Variants in ANO4 observed in about 807,000 individuals in gnomAD.
The protein encoded by ANO4 is anoctamin 4.
Under a neutral mutation model 141.9 loss-of-function variants are expected in ANO4, and 69 were observed. The observed-to-expected ratio is 0.49, with a 90% CI of 0.40 to 0.59. The LOEUF (loss-of-function observed/expected upper bound fraction) is 0.59. Ranked by LOEUF, ANO4 falls within the 20% of genes least tolerant of loss-of-function variation. The pLI is 0.00. For missense variants in ANO4, 894 were observed against 1,162.2 expected (o/e 0.77, Z 3.36); for synonymous variants, 350 against 394.3 (o/e 0.89, Z 1.33).
chr12:101,079,317 C>A, intron 15 of ANO4, 42 bp downstream of exon 15: 1 of 1,528,454 alleles, frequency 6.5e-7, no homozygotes, highest in Non-Finnish European at 9.0e-7. Flanking sequence ...AAGCAAATCA[C>A]CCAGAACCAC....
intron 3 of ANO4, among the ~76,000 whole-genome samples, chr12:100,764,328 G>C (rs1347138191): frequency 6.6e-6 from 1 of 152,094 alleles, no homozygotes; most frequent in Non-Finnish European, 1.5e-5. Context: ...TCAAGATCCT[G>C]ACTCCCTCCA....
intron 3 of ANO4, among the ~76,000 whole-genome samples, chr12:100,932,047 G>A (rs1222551148): frequency 6.7e-6 from 1 of 148,674 alleles, no homozygotes; most frequent in Non-Finnish European, 1.5e-5. Flanking sequence ...TGAGAATTCT[G>A]AGTATCAGAT....
intron 5 of ANO4, among the ~76,000 whole-genome samples, chr12:100,969,234 G>A (rs986054229): frequency 1.3e-5 from 2 of 152,156 alleles, no homozygotes; most frequent in East Asian, 1.9e-4. Context: ...CACTGTGCTA[G>A]GCCCAAAAGA....
At chr12:100,957,618 G>A (rs2043222150) in intron 5 of ANO4, among the ~76,000 whole-genome samples, 1 of 152,078 alleles carries the variant, frequency 6.6e-6, no homozygotes, top group Non-Finnish European at 1.5e-5. Context: ...TTCTGACAGA[G>A]TCTGCTCTGT....
chr12:100,789,718 T>C (rs1213129435), intron 3 of ANO4, among the ~76,000 whole-genome samples: 1 of 152,182 alleles, frequency 6.6e-6, no homozygotes, highest in Non-Finnish European at 1.5e-5. Flanking sequence ...GAGATATATA[T>C]GGTTCATAAG....
chr12:101,048,033 T>A (rs926504485), intron 13 of ANO4: 27 of 1,125,534 alleles, frequency 2.4e-5, no homozygotes, highest in Non-Finnish European at 2.9e-5. Context: ...CATACACATA[T>A]GTACGTGTAT....
At chr12:100,912,686 G>T (rs1318321338) in intron 2 of ANO4, among the ~76,000 whole-genome samples, 1 of 152,184 alleles carries the variant, frequency 6.6e-6, no homozygotes, top group East Asian at 1.9e-4. Flanking sequence ...GTGTGGCTGA[G>T]GTTTGCTTAT....
intron 8 of ANO4, among the ~76,000 whole-genome samples, chr12:101,012,165 A>G (rs1159559022): frequency 6.6e-6 from 1 of 152,112 alleles, no homozygotes; most frequent in Non-Finnish European, 1.5e-5. Context: ...TGGGAATCAC[A>G]TGATTTACTT....
At chr12:101,021,547 A>G (rs555015702) in intron 9 of ANO4, among the ~76,000 whole-genome samples, 1 of 152,228 alleles carries the variant, frequency 6.6e-6, no homozygotes. Context: ...AAATAAGTTA[A>G]TATCTGGTGC....
intron 9 of ANO4, among the ~76,000 whole-genome samples, chr12:101,026,967 G>C (rs1200982477): frequency 6.6e-6 from 1 of 152,176 alleles, no homozygotes; most frequent in Non-Finnish European, 1.5e-5. Flanking sequence ...ACTAGAAACA[G>C]AAGTGATCAG....
In ANO4 at chr12:100,912,580, G is replaced by C. The variant is rs539262904; in HGVS notation, c.56-9646G>C. Among the ~76,000 whole-genome samples, 252 of 151,688 alleles carry C rather than the reference G, an allele frequency of 1.7e-3. 1 individual carries two copies. The highest frequency in any genetic ancestry group is 1.4e-3 in the Non-Finnish European group (96 of 67,884). ...AACTTATTATGGGTGTTTTTTCCACGGTGTCAACTTTTTATCTTGAAGATG... is the reference window on the plus strand; with the variant it reads ...AACTTATTATGGGTGTTTTTTCCACCGTGTCAACTTTTTATCTTGAAGATG... On this transcript the variant is annotated intron_variant, in intron 2 of 27. Transcript: ENST00000392977.
chr12:100,878,145 A>G (rs1187673905), intron 1 of ANO4, among the ~76,000 whole-genome samples: 1 of 152,216 alleles, frequency 6.6e-6, no homozygotes, highest in Non-Finnish European at 1.5e-5. Flanking sequence ...TAGAAAAAGT[A>G]TCACTGAGTT....
intron 22 of ANO4, among the ~76,000 whole-genome samples, chr12:101,105,683 C>T (rs951393061): frequency 2.4e-4 from 36 of 152,122 alleles, no homozygotes; most frequent in African/African-American, 8.7e-4. Context: ...TTTCAAATAG[C>T]TATGATTTAC....
At chr12:101,110,289 C>T (rs1029626280) in intron 22 of ANO4, 115 bp from the exon 23 acceptor site, 28 of 1,087,224 alleles carry the variant, frequency 2.6e-5, no homozygotes, top group South Asian at 7.9e-5. Flanking sequence ...ATCCCCTGTG[C>T]GTCTGTATTG....
At position 100,860,920 on chromosome 12, in the gene ANO4, C is replaced by T. The variant is rs573315979; in HGVS notation, c.-140-40726C>T. Among the ~76,000 whole-genome samples the T allele has an allele frequency of 3.5e-4, 54 of 152,290 alleles. No homozygotes were observed. The South Asian group carries it at 5.6e-3, about 16-fold the overall frequency. On this transcript the variant is annotated intron_variant, in intron 1 of 27. Coordinates refer to ENST00000392977, the MANE Select transcript of ANO4 (RefSeq NM_001286615.2). ...CTCGCTGACTTCAAGAATGGGGCCGCGGACCTTCGCGGTGAGTGTTACAGC... is the reference window on the plus strand; with the variant it reads ...CTCGCTGACTTCAAGAATGGGGCCGTGGACCTTCGCGGTGAGTGTTACAGC...
chr12:101,031,107 CA>C (rs2046956194), intron 9 of ANO4, among the ~76,000 whole-genome samples: 1 of 152,152 alleles, frequency 6.6e-6, no homozygotes, highest in Non-Finnish European at 1.5e-5. Context: ...ATCCTGATAC[CA>C]AAACCTAGCA....
intron 8 of ANO4, among the ~76,000 whole-genome samples, chr12:101,007,261 A>C (rs561726388): frequency 6.6e-6 from 1 of 152,224 alleles, no homozygotes; most frequent in Non-Finnish European, 1.5e-5. Flanking sequence ...ACTGAAGCAG[A>C]ATTGCTTAAA....
At chr12:100,907,226 T>A (rs532856887) in intron 2 of ANO4, among the ~76,000 whole-genome samples, 1 of 152,346 alleles carries the variant, frequency 6.6e-6, no homozygotes, top group East Asian at 1.9e-4. Flanking sequence ...TTATCCATGT[T>A]ATTCAGCTTC....
At chr12:100,957,925 C>G (rs1294555429) in intron 5 of ANO4, among the ~76,000 whole-genome samples, 1 of 152,218 alleles carries the variant, frequency 6.6e-6, no homozygotes, top group Non-Finnish European at 1.5e-5. Flanking sequence ...CCAGGCTGGT[C>G]TCAAACCCCT....
Sources: allele counts gnomAD v4.1 joint callset (sites outside exome capture counted in the v4.1 genomes callset), GRCh38; gene constraint gnomAD v4.1.1; transcripts MANE v1.5; gene names NCBI Gene and HGNC (gene_info 2026-07-23, HGNC 2026-07-21).